BPI: variants seen among roughly 807,000 people sequenced by gnomAD.
The protein encoded by BPI is bactericidal permeability-increasing protein.
A neutral mutation model predicts 57.6 loss-of-function variants in BPI; 48 were observed. That is an observed-to-expected ratio of 0.83 (90% CI 0.66 to 1.06). The LOEUF (loss-of-function observed/expected upper bound fraction) is 1.06, where lower values mean the gene tolerates loss of function less well. Among genes scored for constraint, BPI ranks in the 50% least tolerant of loss-of-function variants. The pLI, the probability that BPI is intolerant of heterozygous loss-of-function variation, is 0.00. For synonymous variants in BPI, 237 were observed against 238.2 expected (o/e 0.99, Z 0.05); for missense variants, 651 against 609.7 (o/e 1.07, Z -0.71).
chr20:38,326,330 G>C lies in BPI; in HGVS notation c.1059G>C (p.Leu353=), dbSNP rs1214959257. The part of the protein sequence containing the change: ...IHVSASTPPH[L]SVQPTGLTFY... ...TCTCAGCCTCCACCCCGCCACACCT[G>C]TCTGTGCAGCCCACCGGCCTTACCT... Residue 353 remains leucine, a synonymous_variant, in exon 10 of 15, where the codon CTG becomes CTC. Transcript: ENST00000642449. 4 of 1,614,142 alleles carry C rather than the reference G, an allele frequency of 2.5e-6. No homozygotes were observed. The highest frequency in any genetic ancestry group is 3.4e-6 in the Non-Finnish European group (4 of 1,180,016).
chr20:38,330,952 C>A (rs2076739311), intron 11 of BPI, 96 bp from the exon 12 acceptor site: 1 of 1,428,006 alleles, frequency 7.0e-7, no homozygotes, highest in Non-Finnish European at 9.8e-7. Flanking sequence ...GAAAACCAGA[C>A]AGTATCCACC....
intron 3 of BPI, 146 bp from the exon 4 acceptor site, chr20:38,310,345 C>A: frequency 1.0e-6 from 1 of 974,584 alleles, no homozygotes; most frequent in South Asian, 1.7e-5. Context: ...GCTATGTGAT[C>A]TTGGGCAAGC....
rs907926703 is a variant in BPI, at chr20:38,325,802, T to A, written c.994-463T>A. Among the ~76,000 whole-genome samples the A allele has an allele frequency of 2.6e-5, 4 of 152,180 alleles. No homozygotes were observed. In the East Asian group the frequency reaches 7.7e-4, roughly 29 times the overall value. On this transcript the variant is annotated intron_variant, in intron 9 of 14. Coordinates refer to ENST00000642449, the MANE Select transcript of BPI (RefSeq NM_001725.3). ...TCATTTGCATAACAATCACATTATT[T>A]TTACTCAGACTGTGGGTTTACCTGG...
At chr20:38,336,292 C>G (rs376120867) in intron 14 of BPI, among the ~76,000 whole-genome samples, 2 of 152,106 alleles carry the variant, frequency 1.3e-5, no homozygotes, top group African/African-American at 2.4e-5. Context: ...TCTCTTCCCC[C>G]GCCATTGGCA....
At chr20:38,336,488 G>C (rs976518539) in intron 14 of BPI, among the ~76,000 whole-genome samples, 7 of 151,888 alleles carry the variant, frequency 4.6e-5, no homozygotes, top group Non-Finnish European at 1.0e-4. Context: ...TGTCACCTCC[G>C]CAGCGAAACC....
intron 10 of BPI, 145 bp from the exon 11 acceptor site, chr20:38,327,443 T>TCCCCACTCC (rs1015701193): frequency 1.3e-6 from 1 of 757,064 alleles, no homozygotes; most frequent in African/African-American, 1.8e-5. Context: ...AAGGGAAGTC[T>TCCCCACTCC]CCCCACTCCT....
chr20:38,329,593 C>A (rs937936001), intron 11 of BPI, among the ~76,000 whole-genome samples: 19 of 152,174 alleles, frequency 1.2e-4, no homozygotes, highest in Non-Finnish European at 2.8e-4. Flanking sequence ...TGAGAATCCA[C>A]GGAGCAGAAA....
In BPI at chr20:38,335,596, A is replaced by G; in HGVS notation, c.1337-2A>G. On this transcript the variant is annotated splice_acceptor_variant, in intron 13 of 14. Transcript: ENST00000642449. LOFTEE classifies it high-confidence loss of function. ...GGTCCTCACCATCGGTCTCTGTCAC[A>G]GAGAAACTACAGAAAGGCTTCCCTC... 6.2e-7 allele frequency: 1 copy of G among 1,613,790 alleles called. No homozygotes were observed. Among genetic ancestry groups the G allele is most frequent in the Non-Finnish European group, 8.5e-7 (1 of 1,179,714 alleles).
At chr20:38,318,083 A>G (rs932359473) in intron 5 of BPI, 1 of 972,870 alleles carries the variant, frequency 1.0e-6, no homozygotes, top group Non-Finnish European at 1.2e-6. Context: ...CAGCAAAATC[A>G]AACAGAAACA....
At chr20:38,315,392 G>A (rs974191032) in intron 5 of BPI, among the ~76,000 whole-genome samples, 1 of 152,204 alleles carries the variant, frequency 6.6e-6, no homozygotes, top group African/African-American at 2.4e-5. Context: ...AGGGAATACA[G>A]CATGTAGGGC....
chr20:38,330,384 A>T (rs1485819195), intron 11 of BPI, among the ~76,000 whole-genome samples: 1 of 152,210 alleles, frequency 6.6e-6, no homozygotes, highest in Non-Finnish European at 1.5e-5. Flanking sequence ...ACTGGTATTC[A>T]GTGGGATAGA....
rs757144106 is a variant in BPI at position 38,324,022 on chromosome 20, G to A, written c.909G>A (p.Leu303=). The change falls in exon 8 of 15, where the codon TTG becomes TTA. Residue 303 remains leucine, a synonymous_variant. Coordinates refer to ENST00000642449, the MANE Select transcript of BPI (RefSeq NM_001725.3). ...TTGTATACCAAGAGGCTGGGGTCTT[G>A]AAGATGACCCTTAGAGATGACATGG... ...AGLVYQEAGV[L]KMTLRDDMIP... is the part of the protein sequence containing the mutation. The A allele has an allele frequency of 1.9e-6, 3 of 1,614,064 alleles. No homozygotes were observed. In the East Asian group the frequency reaches 6.7e-5, roughly 36 times the overall value.
At chr20:38,311,740 G>A in intron 4 of BPI, 134 bp from the exon 5 acceptor site, 1 of 759,128 alleles carries the variant, frequency 1.3e-6, no homozygotes, top group Non-Finnish European at 2.3e-6. Flanking sequence ...GGTGTGTGCA[G>A]TTAGAGCTCA....
intron 11 of BPI, among the ~76,000 whole-genome samples, chr20:38,329,030 T>TAAATAAATAAATAAAC (rs1166514929): frequency 1.3e-5 from 2 of 150,866 alleles, no homozygotes; most frequent in African/African-American, 4.9e-5. Context: ...AATAAATAAA[T>TAAATAAATAAATAAAC]AAACAAATAG....
chr20:38,334,292 C>A, intron 12 of BPI, 138 bp from the exon 13 acceptor site: 1 of 792,912 alleles, frequency 1.3e-6, no homozygotes, highest in Non-Finnish European at 2.2e-6. Context: ...GTCCACCTCT[C>A]AGCAGTTTTC....
chr20:38,334,582 G>T, intron 13 of BPI, 89 bp downstream of exon 13: 1 of 1,325,204 alleles, frequency 7.5e-7, no homozygotes, highest in South Asian at 1.2e-5. Context: ...CCTGGCCCCA[G>T]GTATGAGGGC....
At position 38,310,605 on chromosome 20, in the gene BPI, C is replaced by T. The variant is rs575683984; in HGVS notation, c.489C>T (p.Ser163=). Residue 163 remains serine, a synonymous_variant, in exon 4 of 15, where the codon AGC becomes AGT. Coordinates refer to ENST00000642449, the MANE Select transcript of BPI (RefSeq NM_001725.3). ...GKPTITCSSC[S]SHINSVHVHI... ...CCACCATCACCTGCTCCAGCTGCAGCAGCCACATCAACAGTGTCCACGTGC... is the reference window on the plus strand; with the variant it reads ...CCACCATCACCTGCTCCAGCTGCAGTAGCCACATCAACAGTGTCCACGTGC... 5.0e-6 allele frequency: 8 copies of T among 1,614,198 alleles called. No homozygotes were observed. In the African/African-American group the frequency reaches 1.1e-4, roughly 22 times the overall value.
At chr20:38,320,024 C>T (rs1176963397) in intron 6 of BPI, 159 bp from the exon 7 acceptor site, 8 of 630,432 alleles carry the variant, frequency 1.3e-5, no homozygotes, top group Middle Eastern at 4.1e-4. Context: ...TTCATTTTCC[C>T]TTAAGGCGAG....
rs996046625 is a variant in BPI, at chr20:38,327,766, C to T, written c.1229+111C>T. 8.6e-6 allele frequency: 11 copies of T among 1,282,986 alleles called. No homozygotes were observed. The African/African-American group carries it at 1.0e-4, about 12-fold the overall frequency. The allele number at this position is 1,282,986 out of a possible 1,614,324, so 79.5% of individuals were successfully genotyped here. On this transcript the variant is annotated intron_variant, in intron 11 of 14. Transcript: ENST00000642449. The stretch of plus-strand genomic sequence containing the variant: ...CACTGCATTGTTGTTTTCCTGTTGG[C>T]TCATCACATTAAAACCTCAAAGAGT...
Sources: allele counts gnomAD v4.1 joint callset (sites outside exome capture counted in the v4.1 genomes callset), GRCh38; gene constraint gnomAD v4.1.1; transcripts MANE v1.5; gene names NCBI Gene and HGNC (gene_info 2026-07-23, HGNC 2026-07-21).